NKAIN3: variants seen among roughly 807,000 people sequenced by gnomAD.
NKAIN3 encodes sodium/potassium transporting ATPase interacting 3, also known as sodium/potassium-transporting ATPase subunit beta-1-interacting protein 3.
A neutral mutation model predicts 30.2 loss-of-function variants in NKAIN3; 25 were observed. The observed-to-expected ratio is 0.83, with a 90% CI of 0.60 to 1.16. NKAIN3 has a LOEUF of 1.16. Among genes scored for constraint, NKAIN3 ranks in the 50% most tolerant of loss-of-function variants. The pLI is 0.00. For missense variants in NKAIN3, 225 were observed against 254.1 expected, an observed-to-expected ratio of 0.89 and a Z score of 0.78; for synonymous variants, 91 against 89.6, an observed-to-expected ratio of 1.02 and a Z score of -0.09.
intron 1 of NKAIN3, among the ~76,000 whole-genome samples, chr8:62,278,566 C>G (rs1294365178): frequency 8.1e-6 from 1 of 124,144 alleles, no homozygotes; most frequent in East Asian, 2.6e-4. Context: ...GTGTGATGTT[C>G]CCCTTCCTGT....
At chr8:62,289,951 C>T (rs183491325) in intron 1 of NKAIN3, among the ~76,000 whole-genome samples, 2 of 152,152 alleles carry the variant, frequency 1.3e-5, no homozygotes, top group African/African-American at 4.8e-5. Flanking sequence ...TTGAAGAGGT[C>T]CTTCACATCC....
At chr8:62,395,462 GA>G (rs565314391) in intron 1 of NKAIN3, among the ~76,000 whole-genome samples, 20 of 152,012 alleles carry the variant, frequency 1.3e-4, no homozygotes, top group Middle Eastern at 3.4e-3. Flanking sequence ...AAGGATTCAT[GA>G]AAAAAAAGTC....
At chr8:62,345,258 T>TATACAC (rs139656573) in intron 1 of NKAIN3, among the ~76,000 whole-genome samples, 8 of 142,720 alleles carry the variant, frequency 5.6e-5, no homozygotes, top group African/African-American at 2.2e-4. Context: ...GGTATATATA[T>TATACAC]ACACACACAC....
At chr8:62,709,032 T>G (rs1814630820) in intron 3 of NKAIN3, among the ~76,000 whole-genome samples, 1 of 152,244 alleles carries the variant, frequency 6.6e-6, no homozygotes. Flanking sequence ...GTTTGTCAAC[T>G]TGCATGTGTT....
chr8:62,284,618 A>G (rs1034358922), intron 1 of NKAIN3, among the ~76,000 whole-genome samples: 1 of 152,058 alleles, frequency 6.6e-6, no homozygotes, highest in African/African-American at 2.4e-5. Flanking sequence ...CAACAACAGC[A>G]AAACTCTGTC....
At chr8:62,401,089 T>TACA (rs1803853561) in intron 1 of NKAIN3, among the ~76,000 whole-genome samples, 1 of 151,204 alleles carries the variant, frequency 6.6e-6, no homozygotes, top group Non-Finnish European at 1.5e-5. Flanking sequence ...TGAAGCTATC[T>TACA]TCCAGATCTT....
intron 5 of NKAIN3, among the ~76,000 whole-genome samples, chr8:62,940,274 C>T (rs1466999982): frequency 6.6e-6 from 1 of 151,944 alleles, no homozygotes; most frequent in African/African-American, 2.4e-5. Flanking sequence ...AAAATAATAA[C>T]TACTAGACCT....
intron 1 of NKAIN3, among the ~76,000 whole-genome samples, chr8:62,357,636 C>G (rs2129592226): frequency 1.3e-5 from 2 of 152,218 alleles, no homozygotes; most frequent in South Asian, 4.1e-4. Flanking sequence ...CATCAAAACG[C>G]AAGCCCATAA....
intron 1 of NKAIN3, among the ~76,000 whole-genome samples, chr8:62,350,710 A>C (rs1019961604): frequency 6.6e-6 from 1 of 152,002 alleles, no homozygotes; most frequent in African/African-American, 2.4e-5. Flanking sequence ...TATTTATTTG[A>C]GACAGAGTCT....
intron 5 of NKAIN3, among the ~76,000 whole-genome samples, chr8:62,930,439 A>G (rs924615743): frequency 1.3e-5 from 2 of 151,854 alleles, no homozygotes; most frequent in Non-Finnish European, 2.9e-5. Context: ...TTTTTAGTAG[A>G]GATGGGGTTT....
At chr8:62,370,962 A>G (rs942567564) in intron 1 of NKAIN3, among the ~76,000 whole-genome samples, 4 of 152,012 alleles carry the variant, frequency 2.6e-5, no homozygotes, top group African/African-American at 7.2e-5. Flanking sequence ...TCATTTCAAG[A>G]CTGTCTGTAG....
intron 1 of NKAIN3, among the ~76,000 whole-genome samples, chr8:62,399,228 G>A (rs1024174467): frequency 6.6e-6 from 1 of 152,274 alleles, no homozygotes; most frequent in East Asian, 1.9e-4. Flanking sequence ...GTTCAGGGCA[G>A]GGCATGGTAG....
intron 1 of NKAIN3, among the ~76,000 whole-genome samples, chr8:62,560,714 A>AT (rs1809545209): frequency 6.7e-6 from 1 of 150,304 alleles, no homozygotes. Flanking sequence ...TAATTTTTAT[A>AT]TTTTTTAGTA....
intron 3 of NKAIN3, among the ~76,000 whole-genome samples, chr8:62,635,338 T>C (rs1812093882): frequency 6.6e-6 from 1 of 152,134 alleles, no homozygotes; most frequent in African/African-American, 2.4e-5. Flanking sequence ...TATGAAGAGA[T>C]TCTGATGATA....
At chr8:62,327,866 G>T (rs978842607) in intron 1 of NKAIN3, among the ~76,000 whole-genome samples, 1 of 151,832 alleles carries the variant, frequency 6.6e-6, no homozygotes, top group Non-Finnish European at 1.5e-5. Flanking sequence ...GATCATTTGC[G>T]GGGGGGATTG....
At chr8:62,494,593 T>C (rs1807176995) in intron 1 of NKAIN3, among the ~76,000 whole-genome samples, 1 of 152,162 alleles carries the variant, frequency 6.6e-6, no homozygotes, top group African/African-American at 2.4e-5. Flanking sequence ...GTAGGAATGC[T>C]ACCAGCTTTT....
chr8:62,279,093 CA>C (rs1487111867), intron 1 of NKAIN3, among the ~76,000 whole-genome samples: 1 of 152,154 alleles, frequency 6.6e-6, no homozygotes, highest in Admixed American at 6.5e-5. Context: ...GATTGTGTCT[CA>C]TAGTGGTTTT....
chr8:62,395,295 C>A (rs368321538), intron 1 of NKAIN3, among the ~76,000 whole-genome samples: 179 of 151,092 alleles, frequency 1.2e-3, no homozygotes, highest in African/African-American at 4.2e-3. Context: ...CGGGCGGAGG[C>A]CCCCCTCACT....
intron 1 of NKAIN3, among the ~76,000 whole-genome samples, chr8:62,564,993 A>C (rs1809705732): frequency 6.6e-6 from 1 of 152,176 alleles, no homozygotes; most frequent in South Asian, 2.1e-4. Flanking sequence ...ATTTATATGC[A>C]TAGCTACACA....
Sources: gnomAD v4.1 joint callset for allele counts (sites outside exome capture counted in the v4.1 genomes callset) on GRCh38, gnomAD v4.1.1 for gene constraint, MANE v1.5 for transcripts, NCBI Gene and HGNC (gene_info 2026-07-23, HGNC 2026-07-21) for gene names.